ADCK1: variants seen among roughly 807,000 people sequenced by gnomAD.
ADCK1 encodes the protein aarF domain-containing protein kinase 1.
ADCK1 carries 41 observed loss-of-function variants against 52.3 expected under a neutral mutation model. The observed-to-expected ratio is 0.78, with a 90% CI of 0.61 to 1.02. ADCK1 has a LOEUF of 1.02. ADCK1 is among the 50% of genes least tolerant of loss of function. The pLI, the probability that ADCK1 is intolerant of heterozygous loss-of-function variation, is 0.00. For missense variants in ADCK1, 658 were observed against 679.5 expected, an observed-to-expected ratio of 0.97 and a Z score of 0.35; for synonymous variants, 250 against 274.6, an observed-to-expected ratio of 0.91 and a Z score of 0.89.
At chr14:77,866,008 C>T (rs111576594) in intron 4 of ADCK1, among the ~76,000 whole-genome samples, 2 of 152,190 alleles carry the variant, frequency 1.3e-5, no homozygotes, top group African/African-American at 4.8e-5. Context: ...TGGTACAGCT[C>T]TCTGTCCCAT....
At chr14:77,805,465 T>C (rs905402845) in intron 1 of ADCK1, among the ~76,000 whole-genome samples, 2 of 151,816 alleles carry the variant, frequency 1.3e-5, no homozygotes, top group African/African-American at 4.8e-5. Flanking sequence ...CTTCACCACA[T>C]TGGCCAGGCT....
Position 77,933,452 on chromosome 14 carries a change from C to G in ADCK1, c.*61C>G. ...TCCACTCCTCAGCCCCTCATCTTGC[C>G]TCCACCCAGCTGCTCCATTTTTGCC... On this transcript the variant is annotated 3_prime_UTR_variant, in exon 11 of 11. Transcript: ENST00000238561. The G allele has an allele frequency of 1.9e-6, 3 of 1,591,048 alleles. No individual in the cohort carries two copies. The South Asian group carries it at 3.3e-5, about 18-fold the overall frequency.
intron 1 of ADCK1, among the ~76,000 whole-genome samples, chr14:77,810,696 A>T (rs2081322378): frequency 6.6e-6 from 1 of 151,794 alleles, no homozygotes; most frequent in African/African-American, 2.4e-5. Flanking sequence ...ACGCCTGGCT[A>T]ATTTGTTTGT....
chr14:77,862,703 C>T (rs1179942584), intron 4 of ADCK1, among the ~76,000 whole-genome samples: 1 of 152,226 alleles, frequency 6.6e-6, no homozygotes, highest in African/African-American at 2.4e-5. Flanking sequence ...TCCTTCATTC[C>T]TTCTCTCTCC....
intron 3 of ADCK1, among the ~76,000 whole-genome samples, chr14:77,847,669 A>G (rs940662343): frequency 2.4e-4 from 37 of 152,242 alleles, no homozygotes; most frequent in African/African-American, 8.2e-4. Flanking sequence ...CCCTTTTCCC[A>G]CTGTGGCCAG....
chr14:77,805,039 T>C (rs1270012133), intron 1 of ADCK1, among the ~76,000 whole-genome samples: 2 of 151,696 alleles, frequency 1.3e-5, no homozygotes, highest in Non-Finnish European at 2.9e-5. Context: ...AAACCCTGTC[T>C]CTACTAAAAA....
At chr14:77,887,500 A>G (rs2083185030) in intron 5 of ADCK1, among the ~76,000 whole-genome samples, 1 of 152,174 alleles carries the variant, frequency 6.6e-6, no homozygotes, top group East Asian at 1.9e-4. Context: ...GTCTCAAAAC[A>G]CACTAAGTGG....
chr14:77,894,736 G>GTTTTTTTTTTTTTTTTTTTTTTTTTTTTT lies in ADCK1; in HGVS notation c.583-4336_583-4335insTTTTTTTTTTTTTTTTTTTTTTTTTTTTT. On this transcript the variant is annotated intron_variant, in intron 5 of 10. Transcript: ENST00000238561. ...TTATTTCTTTTTCTTTTCTTTTCTT[G>GTTTTTTTTTTTTTTTTTTTTTTTTTTTTT]TTTTTTTTTTTTTTTTTTTTTTTTT... is the stretch of plus-strand genomic sequence containing the variant. 5.5e-4 allele frequency among the ~76,000 whole-genome samples: 20 copies of GTTTTTTTTTTTTTTTTTTTTTTTTTTTTT among 36,480 alleles called. 3 individuals carry two copies. Among genetic ancestry groups the GTTTTTTTTTTTTTTTTTTTTTTTTTTTTT allele is most frequent in the South Asian group, 1.7e-3 (1 of 606 alleles). The allele number at this position is 36,480 out of a possible 152,430, so 23.9% of individuals were successfully genotyped here. A position where few individuals can be genotyped will look rare whatever the true frequency, so the allele number is the denominator to read the frequency against.
Position 77,914,405 on chromosome 14 carries a change from A to G in ADCK1, c.858+6486A>G, listed in dbSNP as rs1057242659. The G allele has an allele frequency of 5.1e-6, 5 of 985,304 alleles. No individual in the cohort carries two copies. In the African/African-American group the frequency reaches 7.0e-5, roughly 14 times the overall value. 61.0% of individuals were successfully genotyped at this position (985,304 alleles called of 1,614,324 possible). On this transcript the variant is annotated intron_variant, in intron 7 of 10. Transcript: ENST00000238561. ...CAGAAGCCCTTGCTATGCTTCTTCTAGTAGTTCTTAATTCCATTCTGTGTC... is the reference window on the plus strand; with the variant it reads ...CAGAAGCCCTTGCTATGCTTCTTCTGGTAGTTCTTAATTCCATTCTGTGTC...
chr14:77,803,679 G>A (rs990204728), intron 1 of ADCK1, among the ~76,000 whole-genome samples: 7 of 152,300 alleles, frequency 4.6e-5, no homozygotes, highest in East Asian at 3.9e-4. Flanking sequence ...CTTGTTTCTA[G>A]TGGGAGGCAT....
At chr14:77,821,667 G>T (rs150968014) in intron 2 of ADCK1, among the ~76,000 whole-genome samples, 2 of 151,980 alleles carry the variant, frequency 1.3e-5, no homozygotes, top group African/African-American at 2.4e-5. Context: ...GATCGCCTGA[G>T]GTCAGGAGTT....
At chr14:77,862,518 G>A (rs902384722) in intron 4 of ADCK1, among the ~76,000 whole-genome samples, 4 of 152,210 alleles carry the variant, frequency 2.6e-5, no homozygotes, top group Admixed American at 2.0e-4. Flanking sequence ...TTGAAGGAAC[G>A]CAGGCTGACA....
At chr14:77,870,159 A>G (rs1346091455) in intron 4 of ADCK1, among the ~76,000 whole-genome samples, 1 of 152,242 alleles carries the variant, frequency 6.6e-6, no homozygotes, top group East Asian at 1.9e-4. Context: ...CCTTTACAAT[A>G]ACTCTGTAAG....
intron 1 of ADCK1, among the ~76,000 whole-genome samples, chr14:77,810,434 C>G (rs928499938): frequency 6.6e-6 from 1 of 151,924 alleles, no homozygotes. Context: ...TTACAATGAG[C>G]CTAGAAGGTG....
intron 3 of ADCK1, among the ~76,000 whole-genome samples, chr14:77,854,366 A>T (rs563982059): frequency 1.3e-5 from 2 of 152,310 alleles, no homozygotes; most frequent in South Asian, 4.1e-4. Context: ...CAATGTGCAG[A>T]TGGTATTTAC....
chr14:77,921,052 C>G (rs113213022), intron 7 of ADCK1, among the ~76,000 whole-genome samples: 1 of 151,384 alleles, frequency 6.6e-6, no homozygotes, highest in Non-Finnish European at 1.5e-5. Context: ...ATAGGCCAGG[C>G]GCGGTGGCTC....
At chr14:77,847,846 T>C (rs1319948851) in intron 3 of ADCK1, among the ~76,000 whole-genome samples, 4 of 152,154 alleles carry the variant, frequency 2.6e-5, no homozygotes, top group Non-Finnish European at 4.4e-5. Context: ...TGTGTGTTCA[T>C]GAATTTGTTC....
chr14:77,898,880 C>T (rs35049061), intron 5 of ADCK1, among the ~76,000 whole-genome samples: 3,157 of 152,274 alleles, frequency 0.021, 46 homozygotes, highest in Non-Finnish European at 0.031. Context: ...TCATGGTTAC[C>T]GATGCTGGCT....
At chr14:77,813,985 C>T (rs1331973046) in intron 1 of ADCK1, among the ~76,000 whole-genome samples, 3 of 152,022 alleles carry the variant, frequency 2.0e-5, no homozygotes, top group Non-Finnish European at 4.4e-5. Flanking sequence ...CAAGGCTGGT[C>T]TCAAACTCCT....
Sources: gnomAD v4.1 joint callset for allele counts (sites outside exome capture counted in the v4.1 genomes callset) on GRCh38, gnomAD v4.1.1 for gene constraint, MANE v1.5 for transcripts, NCBI Gene and HGNC (gene_info 2026-07-23, HGNC 2026-07-21) for gene names.